Variants in CTTNBP2 observed in about 807,000 individuals in gnomAD.
CTTNBP2 encodes cortactin binding protein 2.
In CTTNBP2, 108 loss-of-function variants were observed where a neutral mutation model predicts 156.9. The ratio of observed to expected loss-of-function variants is 0.69; its 90% CI spans 0.59 to 0.81. The LOEUF is 0.81. Ranked by LOEUF, CTTNBP2 falls within the 30% of genes least tolerant of loss-of-function variation. The probability of loss-of-function intolerance (pLI) is 0.00; values close to 1 mark genes in which losing one functional copy is unlikely to be tolerated. For missense variants in CTTNBP2, 1,924 were observed against 2,035.4 expected (o/e 0.95, Z 1.05); for synonymous variants, 767 against 751.8 (o/e 1.02, Z -0.33).
chr7:117,837,994 C>T lies in CTTNBP2; in HGVS notation c.189+23215G>A, dbSNP rs567322680. Reference sequence around the variant, plus strand: ...TAGCCTAGCTAAGCCCAGGCAGCCTCCAGAGACAGAGATCTGAGAGTTAAT... The same window carrying T: ...TAGCCTAGCTAAGCCCAGGCAGCCTTCAGAGACAGAGATCTGAGAGTTAAT... On this transcript the variant is annotated intron_variant, in intron 2 of 22. Coordinates refer to ENST00000160373, the MANE Select transcript of CTTNBP2 (RefSeq NM_033427.3). 5.3e-5 allele frequency among the ~76,000 whole-genome samples: 8 copies of T among 152,288 alleles called. 1 individual carries two copies. In the East Asian group the frequency reaches 1.5e-3, roughly 29 times the overall value.
At chr7:117,864,689 C>A (rs145455897) in intron 1 of CTTNBP2, among the ~76,000 whole-genome samples, 147 of 82,532 alleles carry the variant, frequency 1.8e-3, no homozygotes, top group South Asian at 4.7e-3. Context: ...TATATATATT[C>A]ATATATATTC....
intron 2 of CTTNBP2, among the ~76,000 whole-genome samples, chr7:117,850,885 G>A (rs1287202430): frequency 6.6e-6 from 1 of 152,118 alleles, no homozygotes; most frequent in Non-Finnish European, 1.5e-5. Context: ...TCTCTTCCCA[G>A]TGCAACACCT....
At chr7:117,771,461 G>T (rs934210505) in intron 8 of CTTNBP2, among the ~76,000 whole-genome samples, 1 of 152,220 alleles carries the variant, frequency 6.6e-6, no homozygotes, top group African/African-American at 2.4e-5. Flanking sequence ...AGAGTTAGGT[G>T]TGCATGGCCA....
intron 1 of CTTNBP2, among the ~76,000 whole-genome samples, chr7:117,870,630 T>C (rs751853453): frequency 6.6e-5 from 10 of 152,344 alleles, no homozygotes; most frequent in African/African-American, 2.4e-4. Flanking sequence ...TCCATTTTCC[T>C]TTCATTCCAA....
At chr7:117,816,405 G>A (rs551979374) in intron 2 of CTTNBP2, among the ~76,000 whole-genome samples, 2 of 152,288 alleles carry the variant, frequency 1.3e-5, no homozygotes, top group African/African-American at 4.8e-5. Context: ...TTTCTAAAAT[G>A]GAAGCCTTCT....
At chr7:117,788,291 T>C (rs1486624572) in intron 4 of CTTNBP2, among the ~76,000 whole-genome samples, 1 of 152,204 alleles carries the variant, frequency 6.6e-6, no homozygotes, top group African/African-American at 2.4e-5. Flanking sequence ...TGTTTTTAAA[T>C]GAAAAAGCTA....
intron 3 of CTTNBP2, among the ~76,000 whole-genome samples, chr7:117,809,086 A>G (rs1170941042): frequency 6.6e-6 from 1 of 152,154 alleles, no homozygotes; most frequent in African/African-American, 2.4e-5. Flanking sequence ...CTCATTTTAT[A>G]TTAGCCTCTC....
chr7:117,727,351 A>C (rs1336661401), intron 17 of CTTNBP2, among the ~76,000 whole-genome samples: 1 of 151,452 alleles, frequency 6.6e-6, no homozygotes, highest in Non-Finnish European at 1.5e-5. Context: ...ACATGCCACT[A>C]TGCCTGGCTA....
intron 2 of CTTNBP2, among the ~76,000 whole-genome samples, chr7:117,850,938 G>A (rs911311425): frequency 2.6e-5 from 4 of 152,146 alleles, no homozygotes; most frequent in African/African-American, 7.2e-5. Context: ...CTAGGTGAAC[G>A]TTGAACAGCT....
intron 3 of CTTNBP2, among the ~76,000 whole-genome samples, chr7:117,802,133 C>T (rs948435584): frequency 1.4e-5 from 2 of 147,142 alleles, no homozygotes; most frequent in Admixed American, 6.9e-5. Context: ...GTTCAATTCC[C>T]ACCTATGAGT....
intron 21 of CTTNBP2, among the ~76,000 whole-genome samples, chr7:117,719,182 C>T (rs370219151): frequency 6.6e-6 from 1 of 152,096 alleles, no homozygotes; most frequent in Non-Finnish European, 1.5e-5. Flanking sequence ...GTCTGGGCGA[C>T]AAGAGCGAAA....
At chr7:117,721,416 T>C (rs549493991) in intron 19 of CTTNBP2, among the ~76,000 whole-genome samples, 1 of 152,228 alleles carries the variant, frequency 6.6e-6, no homozygotes, top group Non-Finnish European at 1.5e-5. Context: ...ATTTCACTTT[T>C]ATGGATGGCC....
intron 2 of CTTNBP2, among the ~76,000 whole-genome samples, chr7:117,847,819 CT>C (rs201419286): frequency 3.1e-4 from 28 of 91,334 alleles, no homozygotes; most frequent in South Asian, 3.2e-4. Context: ...TTTGCCTAAC[CT>C]TTTTTTTTTT....
intron 2 of CTTNBP2, among the ~76,000 whole-genome samples, chr7:117,811,952 T>A (rs920895811): frequency 3.1e-4 from 46 of 148,610 alleles, no homozygotes; most frequent in Non-Finnish European, 5.9e-4. Flanking sequence ...TTAAAATTTT[T>A]AATGTAAAAA....
chr7:117,722,553 CAA>C (rs1258922070), intron 19 of CTTNBP2, among the ~76,000 whole-genome samples: 3 of 152,064 alleles, frequency 2.0e-5, no homozygotes, highest in African/African-American at 7.2e-5. Flanking sequence ...CAAATAATTT[CAA>C]GTCTATTCAT....
chr7:117,724,987 A>T, intron 18 of CTTNBP2, 65 bp downstream of exon 18: 1 of 1,458,970 alleles, frequency 6.9e-7, no homozygotes, highest in Non-Finnish European at 9.5e-7. Flanking sequence ...CTCTCTAAAA[A>T]CAGCTTTTAA....
At chr7:117,744,623 G>T (rs772665371) in intron 14 of CTTNBP2, among the ~76,000 whole-genome samples, 1 of 152,082 alleles carries the variant, frequency 6.6e-6, no homozygotes, top group African/African-American at 2.4e-5. Context: ...GGTGGCTCAC[G>T]CTTGTAATCC....
At chr7:117,721,332 C>A (rs935464519) in intron 19 of CTTNBP2, among the ~76,000 whole-genome samples, 1 of 152,200 alleles carries the variant, frequency 6.6e-6, no homozygotes, top group Non-Finnish European at 1.5e-5. Context: ...CAAGGAATAG[C>A]CAACTCCCTC....
At chr7:117,786,519 G>A in intron 4 of CTTNBP2, 1 of 370,332 alleles carries the variant, frequency 2.7e-6, no homozygotes, top group Non-Finnish European at 5.3e-6. Context: ...AAACACGAAG[G>A]CATAAAACCT....
Sources: gnomAD v4.1 joint callset for allele counts (sites outside exome capture counted in the v4.1 genomes callset) on GRCh38, gnomAD v4.1.1 for gene constraint, MANE v1.5 for transcripts, NCBI Gene and HGNC (gene_info 2026-07-23, HGNC 2026-07-21) for gene names.